PAX7: variants seen among roughly 807,000 people sequenced by gnomAD.
PAX7 encodes paired box protein Pax-7.
PAX7 carries 18 observed loss-of-function variants against 50.7 expected under a neutral mutation model. The ratio of observed to expected loss-of-function variants is 0.36; its 90% CI spans 0.25 to 0.53. The LOEUF (loss-of-function observed/expected upper bound fraction) is 0.53. Among genes scored for constraint, PAX7 ranks in the 20% least tolerant of loss-of-function variants. The pLI is 0.93. For missense variants in PAX7, 644 were observed against 702.9 expected, an observed-to-expected ratio of 0.92 and a Z score of 0.95; for synonymous variants, 310 against 290.4, an observed-to-expected ratio of 1.07 and a Z score of -0.69.
chr1:18,724,457 C>T (rs79292860), intron 7 of PAX7, among the ~76,000 whole-genome samples: 1 of 152,238 alleles, frequency 6.6e-6, no homozygotes, highest in African/African-American at 2.4e-5. Context: ...GCTCCATTAC[C>T]AGGTCACCCA....
chr1:18,635,000 G>A lies in PAX7; in HGVS notation c.322-111G>A. 1.5e-6 allele frequency: 2 copies of A among 1,351,158 alleles called. No individual in the cohort carries two copies. Among genetic ancestry groups the A allele is most frequent in the Non-Finnish European group, 2.0e-6 (2 of 991,528 alleles). 83.7% of individuals were successfully genotyped at this position (1,351,158 alleles called of 1,614,324 possible). On this transcript the variant is annotated intron_variant, in intron 2 of 8. Transcript: ENST00000420770. The surrounding 1 kb of genome is among the most constrained non-coding windows in gnomAD (Gnocchi z 4.0). ...TCTCTTGGGGGATGGGGGGACACAA[G>A]GTAACCAGAACCACCAGCCTGGTCT...
At chr1:18,723,413 T>C (rs1490419088) in intron 7 of PAX7, among the ~76,000 whole-genome samples, 1 of 152,202 alleles carries the variant, frequency 6.6e-6, no homozygotes, top group Non-Finnish European at 1.5e-5. Context: ...TGGCTTTCCA[T>C]GGCACATGAA....
At chr1:18,660,373 C>T (rs929707668) in intron 4 of PAX7, among the ~76,000 whole-genome samples, 3 of 152,150 alleles carry the variant, frequency 2.0e-5, no homozygotes, top group African/African-American at 7.2e-5. Context: ...TTCCCCTAGA[C>T]ACCTTATTTT....
intron 8 of PAX7, among the ~76,000 whole-genome samples, chr1:18,737,495 G>A (rs1484820842): frequency 6.6e-6 from 1 of 152,284 alleles, no homozygotes; most frequent in East Asian, 1.9e-4. Context: ...GTGTGTATGG[G>A]TGTTTGTGAG....
chr1:18,636,472 A>C lies in PAX7; in HGVS notation c.586+101A>C. On this transcript the variant is annotated intron_variant, in intron 4 of 8. Transcript: ENST00000420770. This position sits in a 1 kb window ranked among gnomAD's most constrained non-coding sequence, Gnocchi z 5.1. Reference sequence around the variant, plus strand: ...CCCGCCGCCGGAGCAGGCGACCAGAACTCCAGCGGAGAAACTCTCATGCTG... The same window carrying C: ...CCCGCCGCCGGAGCAGGCGACCAGACCTCCAGCGGAGAAACTCTCATGCTG... 1 of 1,396,014 alleles carries C rather than the reference A, an allele frequency of 7.2e-7. No individual in the cohort carries two copies. Among genetic ancestry groups the C allele is most frequent in the South Asian group, 1.4e-5 (1 of 73,388 alleles). The allele number at this position is 1,396,014 out of a possible 1,614,324, so 86.5% of individuals were successfully genotyped here. A position where few individuals can be genotyped will look rare whatever the true frequency, so the allele number is the denominator to read the frequency against.
chr1:18,733,596 AG>A (rs2089673863), intron 7 of PAX7, among the ~76,000 whole-genome samples: 1 of 152,010 alleles, frequency 6.6e-6, no homozygotes, highest in African/African-American at 2.4e-5. Flanking sequence ...AAGGTGGAGG[AG>A]GGGAGACCCC....
intron 4 of PAX7, among the ~76,000 whole-genome samples, chr1:18,672,579 AG>A (rs2088766272): frequency 6.7e-6 from 1 of 148,986 alleles, no homozygotes. Context: ...ATGCGGCCCT[AG>A]ACTGGAGAGC....
At chr1:18,683,531 T>C (rs1300336571) in intron 4 of PAX7, among the ~76,000 whole-genome samples, 1 of 152,192 alleles carries the variant, frequency 6.6e-6, no homozygotes. Flanking sequence ...CTCTTGACTA[T>C]CCAAAGGACA....
At chr1:18,633,254 C>T (rs1445460684) in intron 1 of PAX7, among the ~76,000 whole-genome samples, 1 of 152,216 alleles carries the variant, frequency 6.6e-6, no homozygotes, top group African/African-American at 2.4e-5. Context: ...TCCACTCCCG[C>T]GGCTGTGAAA....
At chr1:18,712,165 G>GAATTGATGGTCAGTGTC (rs1553141319) in intron 7 of PAX7, among the ~76,000 whole-genome samples, 1 of 152,236 alleles carries the variant, frequency 6.6e-6, no homozygotes, top group Non-Finnish European at 1.5e-5. Flanking sequence ...TGGTCAGTGT[G>GAATTGATGGTCAGTGTC]AACTGACGGT....
chr1:18,681,691 ATTTATTTTATTTTAT>A (rs202204301), intron 4 of PAX7, among the ~76,000 whole-genome samples: 44,913 of 137,764 alleles, frequency 0.33, 7,792 homozygotes, highest in South Asian at 0.46. Context: ...AGGGCTTAGA[ATTTATTTTATTTTAT>A]TTTATTTTAT....
In PAX7 at chr1:18,632,689, C is replaced by T. The variant is rs1286536066; in HGVS notation, c.85+1001C>T. On this transcript the variant is annotated intron_variant, in intron 1 of 8. Transcript: ENST00000420770. This position sits in a 1 kb window ranked among gnomAD's most constrained non-coding sequence, Gnocchi z 6.3. Reference sequence around the variant, plus strand: ...TTCCTGTGATCGTTTGAGTCCCTGGCGCGTGAGGAAGGGGAGAGGAGGCAG... The same window carrying T: ...TTCCTGTGATCGTTTGAGTCCCTGGTGCGTGAGGAAGGGGAGAGGAGGCAG... 9.2e-6 allele frequency among the ~76,000 whole-genome samples: 1 copy of T among 109,098 alleles called. No homozygotes were observed. Among genetic ancestry groups the T allele is most frequent in the Non-Finnish European group, 1.8e-5 (1 of 55,734 alleles). 71.6% of individuals were successfully genotyped at this position (109,098 alleles called of 152,430 possible).
At chr1:18,678,404 AT>A (rs1185800816) in intron 4 of PAX7, among the ~76,000 whole-genome samples, 1,664 of 151,180 alleles carry the variant, frequency 0.011, 28 homozygotes, top group African/African-American at 0.038. Flanking sequence ...TATCTCAAAA[AT>A]AAAAAAAAAA....
chr1:18,703,221 C>T lies in PAX7; in HGVS notation c.1080C>T (p.Ser360=), dbSNP rs1352809757. ...ACGGAGCCCGCCACAGCTTCTCCAG[C>T]TACTCTGACAGCTTCATGAATCCGG... The part of the protein sequence containing the change: ...SAYGARHSFS[S]YSDSFMNPAA... Residue 360 remains serine (S), a synonymous_variant, in exon 7 of 9, where the codon AGC becomes AGT. Transcript: ENST00000420770. 2 of 1,614,232 alleles carry T rather than the reference C, an allele frequency of 1.2e-6. No homozygotes were observed. The highest frequency in any genetic ancestry group is 3.3e-5 in the Admixed American group (2 of 60,026).
rs2089206322 is a variant in PAX7 at position 18,700,600 on chromosome 1, C to G, written c.787-53C>G. 4 of 1,461,522 alleles carry G rather than the reference C, an allele frequency of 2.7e-6. No homozygotes were observed. The highest frequency in any genetic ancestry group is 2.7e-6 in the Non-Finnish European group (3 of 1,103,344). 90.5% of individuals were successfully genotyped at this position (1,461,522 alleles called of 1,614,324 possible). On this transcript the variant is annotated intron_variant, in intron 5 of 8. Coordinates refer to ENST00000420770, the MANE Select transcript of PAX7 (RefSeq NM_001135254.2). This position sits in a 1 kb window ranked among gnomAD's most constrained non-coding sequence, Gnocchi z 4.8. ...AACTGGGTCTACATGTGTTGCAGCT[C>G]TCTGCCAGGAACCTGGCCGAGGGGT...
At chr1:18,706,294 T>C (rs1056410807) in intron 7 of PAX7, among the ~76,000 whole-genome samples, 3 of 152,084 alleles carry the variant, frequency 2.0e-5, no homozygotes, top group Admixed American at 6.5e-5. Context: ...GACCGGCTTC[T>C]CTATAGCTCA....
chr1:18,711,510 A>G (rs180866977), intron 7 of PAX7, among the ~76,000 whole-genome samples: 1 of 152,166 alleles, frequency 6.6e-6, no homozygotes, highest in East Asian at 1.9e-4. Context: ...TTTCCTATCC[A>G]GGGCAATGTA....
At chr1:18,731,262 A>C (rs1237871023) in intron 7 of PAX7, among the ~76,000 whole-genome samples, 5 of 152,170 alleles carry the variant, frequency 3.3e-5, no homozygotes, top group Non-Finnish European at 7.4e-5. Context: ...TCTGCAGGCC[A>C]AGAGGGAGCC....
At chr1:18,712,314 C>T (rs1337295000) in intron 7 of PAX7, among the ~76,000 whole-genome samples, 1 of 152,202 alleles carries the variant, frequency 6.6e-6, no homozygotes, top group Non-Finnish European at 1.5e-5. Flanking sequence ...CAGTTATTTC[C>T]CCCCGGCAGC....
Sources: allele counts gnomAD v4.1 joint callset (sites outside exome capture counted in the v4.1 genomes callset), GRCh38; gene constraint gnomAD v4.1.1; non-coding constraint Gnocchi (gnomAD v3.1); transcripts MANE v1.5; gene names NCBI Gene and HGNC (gene_info 2026-07-23, HGNC 2026-07-21).